Variants in LIN9 observed in about 807,000 individuals in gnomAD.
LIN9 encodes the protein protein lin-9 homolog.
Under a neutral mutation model 78.0 loss-of-function variants are expected in LIN9, and 18 were observed. That is an observed-to-expected ratio of 0.23 (90% CI 0.16 to 0.34). The LOEUF is 0.34. Ranked by LOEUF, LIN9 falls within the 10% of genes least tolerant of loss-of-function variation. The probability of loss-of-function intolerance (pLI) is 1.00; values close to 1 mark genes in which losing one functional copy is unlikely to be tolerated. For synonymous variants in LIN9, 192 were observed against 215.2 expected (o/e 0.89, Z 0.94); for missense variants, 451 against 644.1 (o/e 0.70, Z 3.25).
chr1:226,259,548 CA>C (rs1292476750), intron 10 of LIN9, among the ~76,000 whole-genome samples: 1 of 152,106 alleles, frequency 6.6e-6, no homozygotes, highest in African/African-American at 2.4e-5. Flanking sequence ...TTCTGGGCCA[CA>C]AAACATACCT....
rs1042799806 is a variant in LIN9 at position 226,268,050 on chromosome 1, T to G, written c.723A>C (p.Gln241His). The stretch of plus-strand genomic sequence containing the variant: ...CATTAAGAGTATCCACAGCATCTAT[T>G]TGTCCAGTGAACAAACCATCATGAA... The part of the protein sequence containing the change: ...RGVHDGLFTG[Q>H]IDAVDTLNAT... Residue 241 changes from glutamine (Q) to histidine (H), a missense_variant, in exon 8 of 15, where the codon CAA becomes CAC. Transcript: ENST00000681046. The G allele has an allele frequency of 1.2e-6, 2 of 1,614,138 alleles. No individual in the cohort carries two copies. The highest frequency in any genetic ancestry group is 1.7e-6 in the Non-Finnish European group (2 of 1,179,992).
At chr1:226,294,845 G>T (rs943686990) in intron 4 of LIN9, among the ~76,000 whole-genome samples, 1 of 151,096 alleles carries the variant, frequency 6.6e-6, no homozygotes, top group African/African-American at 2.4e-5. Flanking sequence ...TGTTGCCCAG[G>T]CTGGAGTGCA....
chr1:226,254,226 T>C (rs1366484802), intron 10 of LIN9, among the ~76,000 whole-genome samples: 1 of 152,246 alleles, frequency 6.6e-6, no homozygotes, highest in African/African-American at 2.4e-5. Context: ...TCCTCCCAGC[T>C]TGGCCACCTA....
At chr1:226,305,941 A>G (rs768036459) in intron 1 of LIN9, among the ~76,000 whole-genome samples, 9 of 152,208 alleles carry the variant, frequency 5.9e-5, no homozygotes, top group Non-Finnish European at 1.2e-4. Flanking sequence ...AGTTTGGGCT[A>G]TGCTGATGGT....
chr1:226,266,217 A>C lies in LIN9; in HGVS notation c.932T>G (p.Ile311Ser), dbSNP rs772931671. 4 of 1,565,958 alleles carry C rather than the reference A, an allele frequency of 2.6e-6. No individual in the cohort carries two copies. In the South Asian group the frequency reaches 4.8e-5, roughly 19 times the overall value. ...LHYTPPLQSP[I>S]IDNDPLLGQS... ...ATATTTCTAAAATATACTTACTATA[A>C]TTGGTGACTGGAGAGGAGGAGTATA... Residue 311 changes from isoleucine to serine, a missense_variant, in exon 9 of 15, where the codon ATT becomes AGT. Transcript: ENST00000681046.
At chr1:226,237,928 G>A (rs1657831049) in intron 12 of LIN9, among the ~76,000 whole-genome samples, 1 of 147,792 alleles carries the variant, frequency 6.8e-6, no homozygotes, top group Non-Finnish European at 1.5e-5. Context: ...ACTCCAGCCT[G>A]GGCAACAGAG....
intron 11 of LIN9, among the ~76,000 whole-genome samples, chr1:226,243,378 C>G (rs922865648): frequency 1.3e-5 from 2 of 152,092 alleles, no homozygotes; most frequent in Non-Finnish European, 2.9e-5. Flanking sequence ...CAGAATGTTA[C>G]ATAGTATAAA....
chr1:226,276,017 GAC>G (rs1660634523), intron 7 of LIN9, among the ~76,000 whole-genome samples: 1 of 152,208 alleles, frequency 6.6e-6, no homozygotes, highest in Non-Finnish European at 1.5e-5. Flanking sequence ...AACAGAGCAA[GAC>G]TTTGTCTCAA....
Position 226,257,965 on chromosome 1 carries a change from G to A in LIN9, c.1039-7046C>T, listed in dbSNP as rs568537804. Among the ~76,000 whole-genome samples, 8 of 151,894 alleles carry A rather than the reference G, an allele frequency of 5.3e-5. No homozygotes were observed. In the South Asian group the frequency reaches 6.2e-4, roughly 12 times the overall value. Reference sequence around the variant, plus strand: ...TTGGGAGGCCGAGGTGGGTCCCATCGCTTGAGCCAAGGAGTTCAAGACCAG... The same window carrying A: ...TTGGGAGGCCGAGGTGGGTCCCATCACTTGAGCCAAGGAGTTCAAGACCAG... On this transcript the variant is annotated intron_variant, in intron 10 of 14. Coordinates refer to ENST00000681046, the MANE Select transcript of LIN9 (RefSeq NM_001366245.2).
At chr1:226,293,004 G>C (rs1213341050) in intron 4 of LIN9, among the ~76,000 whole-genome samples, 2 of 152,096 alleles carry the variant, frequency 1.3e-5, no homozygotes, top group Non-Finnish European at 2.9e-5. Context: ...CTTAGAACAG[G>C]ACTCAACACA....
chr1:226,293,654 A>G (rs1438321373), intron 4 of LIN9, among the ~76,000 whole-genome samples: 1 of 152,178 alleles, frequency 6.6e-6, no homozygotes, highest in Non-Finnish European at 1.5e-5. Flanking sequence ...ATCTCGGCTC[A>G]CTGCAACCTC....
intron 10 of LIN9, among the ~76,000 whole-genome samples, chr1:226,263,956 A>C (rs1659757093): frequency 6.6e-6 from 1 of 152,172 alleles, no homozygotes; most frequent in Non-Finnish European, 1.5e-5. Flanking sequence ...ACATGCCTGC[A>C]GTCTCAGCTA....
At chr1:226,303,996 C>T (rs1441169245) in intron 1 of LIN9, among the ~76,000 whole-genome samples, 1 of 152,232 alleles carries the variant, frequency 6.6e-6, no homozygotes, top group Non-Finnish European at 1.5e-5. Flanking sequence ...TTGGTCCTGA[C>T]ACTTTCTTGC....
chr1:226,252,795 C>T (rs1054488059), intron 10 of LIN9, among the ~76,000 whole-genome samples: 9 of 151,906 alleles, frequency 5.9e-5, no homozygotes, highest in Admixed American at 3.3e-4. Context: ...AGTAAAACCC[C>T]GTCTCTACTA....
At chr1:226,280,243 CAAAAACTAAATAA>C (rs940646919) in intron 6 of LIN9, among the ~76,000 whole-genome samples, 2 of 151,950 alleles carry the variant, frequency 1.3e-5, no homozygotes, top group Non-Finnish European at 2.9e-5. Flanking sequence ...TCATTTGTCT[CAAAAACTAAATAA>C]AAACAATGAG....
chr1:226,255,604 T>C (rs1254023995), intron 10 of LIN9, among the ~76,000 whole-genome samples: 1 of 152,034 alleles, frequency 6.6e-6, no homozygotes, highest in Non-Finnish European at 1.5e-5. Context: ...GCCTTAGATA[T>C]GGCAGGGATG....
At chr1:226,251,518 G>C (rs1470506003) in intron 10 of LIN9, among the ~76,000 whole-genome samples, 1 of 151,802 alleles carries the variant, frequency 6.6e-6, no homozygotes. Flanking sequence ...ATGAGCCAGG[G>C]CACCCAACCA....
At chr1:226,283,278 ATTTTTTTTTTTTTTTT>A (rs71574569) in intron 6 of LIN9, among the ~76,000 whole-genome samples, 1 of 84,212 alleles carries the variant, frequency 1.2e-5, no homozygotes, top group African/African-American at 5.1e-5. Flanking sequence ...TAATTTTTGA[ATTTTTTTTTTTTTTTT>A]TTTTTTTTTT....
chr1:226,267,236 T>G (rs1443353675), intron 8 of LIN9, among the ~76,000 whole-genome samples: 2 of 145,778 alleles, frequency 1.4e-5, no homozygotes. Context: ...AGGAGATATA[T>G]ATATATATAT....
Sources: gnomAD v4.1 joint callset for allele counts (sites outside exome capture counted in the v4.1 genomes callset) on GRCh38, gnomAD v4.1.1 for gene constraint, MANE v1.5 for transcripts, NCBI Gene and HGNC (gene_info 2026-07-23, HGNC 2026-07-21) for gene names.